Variants in TIMM22 observed in about 807,000 individuals in gnomAD.
TIMM22 encodes mitochondrial import inner membrane translocase subunit Tim22.
TIMM22 carries 12 observed loss-of-function variants against 18.3 expected under a neutral mutation model. The observed-to-expected ratio is 0.65, with a 90% CI of 0.42 to 1.06. The LOEUF is 1.06. TIMM22 is among the 50% of genes least tolerant of loss of function. The probability of loss-of-function intolerance (pLI) is 0.00; values close to 1 mark genes in which losing one functional copy is unlikely to be tolerated. For missense variants in TIMM22, 278 were observed against 252.8 expected (o/e 1.10, Z -0.68); for synonymous variants, 107 against 98.5 (o/e 1.09, Z -0.51).
chr17:999,728 G>A (rs976019285), intron 3 of TIMM22, 144 bp downstream of exon 3: 23 of 849,190 alleles, frequency 2.7e-5, no homozygotes, highest in African/African-American at 8.5e-5. Flanking sequence ...GTGGTAACTC[G>A]GTTTTGGAAA....
intron 2 of TIMM22, 62 bp from the exon 3 acceptor site, chr17:999,450 C>G: frequency 6.4e-7 from 1 of 1,560,270 alleles, no homozygotes; most frequent in Non-Finnish European, 8.8e-7. Context: ...CCTGTGTATT[C>G]CTCCTTAATG....
rs1386173212 is a variant in TIMM22, at chr17:1,002,798, A to AAAT, written c.*1712_*1714dup. 3.3e-5 allele frequency: 5 copies of AAAT among 152,208 alleles called. No homozygotes were observed. The highest frequency in any genetic ancestry group is 3.3e-4 in the Admixed American group (5 of 15,266). The allele number at this position is 152,208 out of a possible 1,614,324, so 9.4% of individuals were successfully genotyped here. ...ATCTTTCAGTCTAGCACGTGGGACC[A>AAAT]AATACAAGAGATGCTGCCCTCACAA... On this transcript the variant is annotated 3_prime_UTR_variant, in exon 4 of 4. Transcript: ENST00000327158.
At chr17:1,000,002 C>T (rs1055190296) in intron 3 of TIMM22, among the ~76,000 whole-genome samples, 10 of 152,180 alleles carry the variant, frequency 6.6e-5, no homozygotes, top group African/African-American at 1.2e-4. Context: ...TGGGTTCAAG[C>T]GATTCCCCTG....
intron 3 of TIMM22, among the ~76,000 whole-genome samples, chr17:1,000,592 C>T (rs540580014): frequency 1.2e-4 from 19 of 152,240 alleles, no homozygotes; most frequent in South Asian, 4.1e-4. Context: ...CTGACTTCTC[C>T]GCCGGTCGTC....
chr17:999,928 C>T (rs2069726564), intron 3 of TIMM22, among the ~76,000 whole-genome samples: 1 of 151,680 alleles, frequency 6.6e-6, no homozygotes, highest in Non-Finnish European at 1.5e-5. Context: ...GAGACCGAAT[C>T]TCACTCTGTC....
Position 1,002,101 on chromosome 17 carries a change from C to G in TIMM22, c.*1013C>G, listed in dbSNP as rs2069761915. ...GTGTTTTAACATGTCGTGTTTTCGA[C>G]TTGACCTTGTGGTATTTTTCTTGGC... On this transcript the variant is annotated 3_prime_UTR_variant, in exon 4 of 4. Coordinates refer to ENST00000327158, the MANE Select transcript of TIMM22 (RefSeq NM_013337.4). 1 of 150,960 alleles carries G rather than the reference C, an allele frequency of 6.6e-6. No individual in the cohort carries two copies. The highest frequency in any genetic ancestry group is 2.4e-5 in the African/African-American group (1 of 40,902). 9.4% of individuals were successfully genotyped at this position (150,960 alleles called of 1,614,324 possible). A position where few individuals can be genotyped will look rare whatever the true frequency, so the allele number is the denominator to read the frequency against.
At position 1,002,749 on chromosome 17, in the gene TIMM22, G is replaced by A. The variant is rs1358443573; in HGVS notation, c.*1661G>A. Reference sequence around the variant, plus strand: ...ACATTCCCACCTGGTACCTGTCAAAGTCCTAGGATGCCTGGGATCTTCCAT... The same window carrying A: ...ACATTCCCACCTGGTACCTGTCAAAATCCTAGGATGCCTGGGATCTTCCAT... On this transcript the variant is annotated 3_prime_UTR_variant, in exon 4 of 4. Transcript: ENST00000327158. 6.6e-6 allele frequency: 1 copy of A among 152,088 alleles called. No individual in the cohort carries two copies. Among genetic ancestry groups the A allele is most frequent in the East Asian group, 1.9e-4 (1 of 5,188 alleles). The allele number at this position is 152,088 out of a possible 1,614,324, so 9.4% of individuals were successfully genotyped here. A position where few individuals can be genotyped will look rare whatever the true frequency, so the allele number is the denominator to read the frequency against.
intron 3 of TIMM22, 24 bp downstream of exon 3, chr17:999,608 T>C (rs775466903): frequency 3.2e-5 from 51 of 1,609,444 alleles, no homozygotes; most frequent in Non-Finnish European, 4.3e-5. Context: ...TCTCGAATGC[T>C]TTTTCTTTGT....
Position 997,303 on chromosome 17 carries a change from C to T in TIMM22, c.161C>T (p.Ala54Val). The change falls in exon 1 of 4, where the codon GCC becomes GTC. Residue 54 changes from alanine to valine, a missense_variant. Coordinates refer to ENST00000327158, the MANE Select transcript of TIMM22 (RefSeq NM_013337.4). ...PGSLGGIPSP[A>V]KSEEQKMIEK... ...AGCCTGGGCGGGATCCCAAGTCCAG[C>T]CAAGAGTGAGGAGCAGAAGATGATC... is the stretch of plus-strand genomic sequence containing the variant. The T allele has an allele frequency of 6.2e-7, 1 of 1,613,816 alleles. No homozygotes were observed. Among genetic ancestry groups the T allele is most frequent in the Non-Finnish European group, 8.5e-7 (1 of 1,179,980 alleles).
At position 1,001,327 on chromosome 17, in the gene TIMM22, C is replaced by G; in HGVS notation, c.*239C>G. On this transcript the variant is annotated 3_prime_UTR_variant, in exon 4 of 4. Coordinates refer to ENST00000327158, the MANE Select transcript of TIMM22 (RefSeq NM_013337.4). ...CAGAGGACGTCCCGTGCCAGATTCT[C>G]TCACAGCAGATCGGGAGACAGGATG... 4.3e-6 allele frequency: 2 copies of G among 465,302 alleles called. No homozygotes were observed. Among genetic ancestry groups the G allele is most frequent in the Non-Finnish European group, 8.0e-6 (2 of 251,470 alleles). The allele number at this position is 465,302 out of a possible 1,614,324, so 28.8% of individuals were successfully genotyped here. A position where few individuals can be genotyped will look rare whatever the true frequency, so the allele number is the denominator to read the frequency against.
rs1057141384 is a variant in TIMM22 at position 998,665 on chromosome 17, G to A, written c.239-114G>A. The A allele has an allele frequency of 3.8e-6, 4 of 1,063,810 alleles. No individual in the cohort carries two copies. The South Asian group carries it at 7.4e-5, about 20-fold the overall frequency. The allele number at this position is 1,063,810 out of a possible 1,614,324, so 65.9% of individuals were successfully genotyped here. ...AGTGGAGAGTTTGAGTGGCAAGAGG[G>A]GGGTGTCCTCTGCACCGGTGGTCAT... On this transcript the variant is annotated intron_variant, in intron 1 of 3. Transcript: ENST00000327158.
rs903243572 is a variant in TIMM22, at chr17:1,003,077, T to A, written c.*1989T>A. The A allele has an allele frequency of 6.6e-6, 1 of 151,954 alleles. No individual in the cohort carries two copies. The highest frequency in any genetic ancestry group is 1.5e-5 in the Non-Finnish European group (1 of 67,994). 9.4% of individuals were successfully genotyped at this position (151,954 alleles called of 1,614,324 possible). A position where few individuals can be genotyped will look rare whatever the true frequency, so the allele number is the denominator to read the frequency against. On this transcript the variant is annotated 3_prime_UTR_variant, in exon 4 of 4. Transcript: ENST00000327158. ...GCCACTGACTCTCTCAAAGGGAGGG[T>A]GGGCCCTCGGAGACCCAGCTTCTCT...
At chr17:1,000,889 C>T (rs1229582053) in intron 3 of TIMM22, 123 bp from the exon 4 acceptor site, 4 of 913,014 alleles carry the variant, frequency 4.4e-6, no homozygotes, top group South Asian at 4.2e-5. Flanking sequence ...GAGCTATGAT[C>T]GTTTGAATGA....
Position 1,002,584 on chromosome 17 carries a change from A to C in TIMM22, c.*1496A>C, listed in dbSNP as rs2069774475. ...CATGTCCTTTTACAGTGAATTCTAT[A>C]TAACGCCCCTCCCAGTCTCACAGCT... On this transcript the variant is annotated 3_prime_UTR_variant, in exon 4 of 4. Transcript: ENST00000327158. The C allele has an allele frequency of 6.6e-6, 1 of 152,198 alleles. No homozygotes were observed. Among genetic ancestry groups the C allele is most frequent in the African/African-American group, 2.4e-5 (1 of 41,448 alleles). 9.4% of individuals were successfully genotyped at this position (152,198 alleles called of 1,614,324 possible).
At position 1,001,241 on chromosome 17, in the gene TIMM22, C is replaced by A. The variant is rs564093563; in HGVS notation, c.*153C>A. The A allele has an allele frequency of 4.5e-5, 36 of 794,542 alleles. No homozygotes were observed. In the East Asian group the frequency reaches 9.3e-4, roughly 21 times the overall value. The allele number at this position is 794,542 out of a possible 1,614,324, so 49.2% of individuals were successfully genotyped here. A position where few individuals can be genotyped will look rare whatever the true frequency, so the allele number is the denominator to read the frequency against. ...GTATTCTGAGGGAGCTGCCTGGCTT[C>A]TCTGCCTCCAGCCTTTGGGGTAGCC... On this transcript the variant is annotated 3_prime_UTR_variant, in exon 4 of 4. Transcript: ENST00000327158.
chr17:998,273 G>C (rs1053200038), intron 1 of TIMM22, among the ~76,000 whole-genome samples: 1 of 152,174 alleles, frequency 6.6e-6, no homozygotes, highest in Admixed American at 6.5e-5. Context: ...CAGCAGTGTG[G>C]GATTTGCCAT....
At position 1,001,360 on chromosome 17, in the gene TIMM22, A is replaced by G. The variant is rs1268140733; in HGVS notation, c.*272A>G. The G allele has an allele frequency of 1.0e-5, 4 of 387,428 alleles. No individual in the cohort carries two copies. The East Asian group carries it at 2.3e-4, about 22-fold the overall frequency. 24.0% of individuals were successfully genotyped at this position (387,428 alleles called of 1,614,324 possible). A position where few individuals can be genotyped will look rare whatever the true frequency, so the allele number is the denominator to read the frequency against. ...AGATCGGGAGACAGGATGTTGACAT[A>G]TAGGAATTCAGCTCCACAAAGCTTC... On this transcript the variant is annotated 3_prime_UTR_variant, in exon 4 of 4. Coordinates refer to ENST00000327158, the MANE Select transcript of TIMM22 (RefSeq NM_013337.4).
rs1223471293 is a variant in TIMM22 at position 1,002,464 on chromosome 17, G to A, written c.*1376G>A. The A allele has an allele frequency of 1.3e-5, 2 of 152,228 alleles. No homozygotes were observed. Among genetic ancestry groups the A allele is most frequent in the African/African-American group, 4.8e-5 (2 of 41,440 alleles). 9.4% of individuals were successfully genotyped at this position (152,228 alleles called of 1,614,324 possible). A position where few individuals can be genotyped will look rare whatever the true frequency, so the allele number is the denominator to read the frequency against. ...ACATGGCCTGGAGGCCCGAGTGTTT[G>A]TACATGAGTGATGATGTCAAACCCA... On this transcript the variant is annotated 3_prime_UTR_variant, in exon 4 of 4. Transcript: ENST00000327158.
At position 997,395 on chromosome 17, in the gene TIMM22, T is replaced by C. The variant is rs748507855; in HGVS notation, c.238+15T>C. The C allele has an allele frequency of 1.9e-6, 3 of 1,608,390 alleles. No individual in the cohort carries two copies. The highest frequency in any genetic ancestry group is 2.5e-6 in the Non-Finnish European group (3 of 1,176,956). Reference sequence around the variant, plus strand: ...CTGCGTGGGAGGTGAGGCCGGGCGATGGGACCCTTGGGAGGCTGAGGGCCT... The same window carrying C: ...CTGCGTGGGAGGTGAGGCCGGGCGACGGGACCCTTGGGAGGCTGAGGGCCT... On this transcript the variant is annotated intron_variant, in intron 1 of 3. Coordinates refer to ENST00000327158, the MANE Select transcript of TIMM22 (RefSeq NM_013337.4).
Sources: allele counts gnomAD v4.1 joint callset (sites outside exome capture counted in the v4.1 genomes callset), GRCh38; gene constraint gnomAD v4.1.1; transcripts MANE v1.5; gene names NCBI Gene and HGNC (gene_info 2026-07-23, HGNC 2026-07-21).